The following PPP1R3A variants were observed in gnomAD, a reference collection of about 807,000 sequenced individuals.
PPP1R3A encodes RG1.
Under a neutral mutation model 41.7 loss-of-function variants are expected in PPP1R3A, and 29 were observed. The observed-to-expected ratio is 0.70, with a 90% CI of 0.52 to 0.95. The LOEUF (loss-of-function observed/expected upper bound fraction) is 0.95. PPP1R3A is among the 40% of genes least tolerant of loss of function. The probability of loss-of-function intolerance (pLI) is 0.00; values close to 1 mark genes in which losing one functional copy is unlikely to be tolerated. For synonymous variants in PPP1R3A, 485 were observed against 453.4 expected (o/e 1.07, Z -0.89); for missense variants, 1,352 against 1,292.4 (o/e 1.05, Z -0.71).
intron 1 of PPP1R3A, among the ~76,000 whole-genome samples, chr7:113,896,764 C>T (rs1197258031): frequency 6.6e-6 from 1 of 151,814 alleles, no homozygotes; most frequent in East Asian, 1.9e-4. Context: ...CACTCAATGT[C>T]TGGCATACAG....
At chr7:113,916,575 T>C (rs1320173161) in intron 1 of PPP1R3A, among the ~76,000 whole-genome samples, 3 of 151,962 alleles carry the variant, frequency 2.0e-5, no homozygotes, top group Non-Finnish European at 4.4e-5. Context: ...TGCAGAAAAA[T>C]CCGCTGAGTT....
chr7:113,908,712 A>G (rs376120331), intron 1 of PPP1R3A, among the ~76,000 whole-genome samples: 2 of 151,926 alleles, frequency 1.3e-5, no homozygotes, highest in African/African-American at 4.8e-5. Context: ...TTGTAGCACT[A>G]TTCACAATAG....
At chr7:113,911,495 G>T (rs1005258357) in intron 1 of PPP1R3A, among the ~76,000 whole-genome samples, 1 of 152,004 alleles carries the variant, frequency 6.6e-6, no homozygotes, top group Non-Finnish European at 1.5e-5. Context: ...CTATTCATAG[G>T]CATAAAGAGA....
intron 1 of PPP1R3A, among the ~76,000 whole-genome samples, chr7:113,910,069 G>A (rs1035177422): frequency 1.3e-5 from 2 of 151,988 alleles, no homozygotes; most frequent in African/African-American, 4.8e-5. Context: ...AGGCAAGACA[G>A]CTTGTGCAGG....
intron 1 of PPP1R3A, among the ~76,000 whole-genome samples, chr7:113,899,204 T>A (rs1412105735): frequency 1.3e-5 from 2 of 151,796 alleles, no homozygotes; most frequent in African/African-American, 4.8e-5. Context: ...TCAAGCTGAG[T>A]TCAGTTCATG....
At chr7:113,900,730 T>C (rs1307250764) in intron 1 of PPP1R3A, among the ~76,000 whole-genome samples, 1 of 148,410 alleles carries the variant, frequency 6.7e-6, no homozygotes, top group African/African-American at 2.5e-5. Context: ...ATGATATATA[T>C]AAGTATATAC....
intron 1 of PPP1R3A, among the ~76,000 whole-genome samples, chr7:113,904,613 A>G (rs1443949567): frequency 6.6e-6 from 1 of 151,726 alleles, no homozygotes; most frequent in Non-Finnish European, 1.5e-5. Flanking sequence ...TACAAAATTA[A>G]AAGAATAAAA....
intron 1 of PPP1R3A, among the ~76,000 whole-genome samples, chr7:113,898,109 T>A (rs1797005667): frequency 6.6e-6 from 1 of 151,882 alleles, no homozygotes; most frequent in South Asian, 2.1e-4. Context: ...TAATGTTGGA[T>A]AAAATTCAGC....
At chr7:113,893,555 A>G (rs982943898) in intron 1 of PPP1R3A, among the ~76,000 whole-genome samples, 1 of 152,040 alleles carries the variant, frequency 6.6e-6, no homozygotes. Context: ...AGAAAAATAC[A>G]TCGAATATAC....
At chr7:113,883,204 T>C (rs1796723572) in intron 1 of PPP1R3A, among the ~76,000 whole-genome samples, 1 of 151,994 alleles carries the variant, frequency 6.6e-6, no homozygotes, top group Non-Finnish European at 1.5e-5. Flanking sequence ...TAAGAAATAT[T>C]TGGCGCAGTA....
In PPP1R3A at chr7:113,881,618, T is replaced by A. The variant is rs557521262; in HGVS notation, c.966+421A>T. 9.2e-5 allele frequency among the ~76,000 whole-genome samples: 14 copies of A among 152,170 alleles called. No individual in the cohort carries two copies. In the East Asian group the frequency reaches 1.9e-3, roughly 21 times the overall value. Reference sequence around the variant, plus strand: ...AGATTCTCACAAGGATGGAATTTTTTAAAAAATGCTGTTACATGTGAGAAT... The same window carrying A: ...AGATTCTCACAAGGATGGAATTTTTAAAAAAATGCTGTTACATGTGAGAAT... On this transcript the variant is annotated intron_variant, in intron 3 of 3. Transcript: ENST00000284601.
At chr7:113,916,001 T>A (rs574484658) in intron 1 of PPP1R3A, among the ~76,000 whole-genome samples, 9 of 152,070 alleles carry the variant, frequency 5.9e-5, no homozygotes, top group African/African-American at 2.2e-4. Flanking sequence ...TTATGGCACA[T>A]GCTGTTCTAA....
chr7:113,880,165 A>C, intron 3 of PPP1R3A, 40 bp from the exon 4 acceptor site: 1 of 1,510,286 alleles, frequency 6.6e-7, no homozygotes. Flanking sequence ...TGACCATAAG[A>C]TCTTTTAAAA....
At chr7:113,913,527 G>T (rs867917093) in intron 1 of PPP1R3A, among the ~76,000 whole-genome samples, 1 of 151,988 alleles carries the variant, frequency 6.6e-6, no homozygotes, top group Non-Finnish European at 1.5e-5. Flanking sequence ...AGTCATTTAG[G>T]ACTTTATTTG....
At chr7:113,882,432 T>C in intron 1 of PPP1R3A, 112 bp from the exon 2 acceptor site, 1 of 648,970 alleles carries the variant, frequency 1.5e-6, no homozygotes, top group Non-Finnish European at 2.7e-6. Context: ...TTATATAGCC[T>C]TTCTTATTTT....
At position 113,879,177 on chromosome 7, in the gene PPP1R3A, C is replaced by A. The variant is rs61756423; in HGVS notation, c.1915G>T (p.Gly639Cys). 6.1e-3 allele frequency: 9,864 copies of A among 1,613,586 alleles called. 59 individuals carry two copies. The highest frequency in any genetic ancestry group is 7.2e-3 in the Non-Finnish European group (8,443 of 1,179,766). The change falls in exon 4 of 4, where the codon GGT becomes TGT. Residue 639 changes from glycine to cysteine, a missense_variant. By Grantham distance (159) the Gly-to-Cys change is radical (BLOSUM62 -3). Coordinates refer to ENST00000284601, the MANE Select transcript of PPP1R3A (RefSeq NM_002711.4). ...DYLFQVEEKS[G>C]GINSEDQDNS... ...TCCTGATCTTCAGAATTAATCCCAC[C>A]TGATTTTTCTTCAACTTGGAAAAGA...
intron 3 of PPP1R3A, 84 bp from the exon 4 acceptor site, chr7:113,880,209 G>T: frequency 8.5e-7 from 1 of 1,176,074 alleles, no homozygotes. Context: ...TATTAACTCG[G>T]CTAGTAATTA....
Position 113,918,838 on chromosome 7 carries a change from G to C in PPP1R3A, c.159C>G (p.Tyr53Ter), listed in dbSNP as rs1183008175. The C allele has an allele frequency of 1.2e-6, 2 of 1,613,736 alleles. No homozygotes were observed. The highest frequency in any genetic ancestry group is 2.7e-5 in the African/African-American group (2 of 74,904). ...RRGSDSSEDI[Y>*]LDTPSSGTRR... is the part of the protein sequence containing the mutation. Reference sequence around the variant, plus strand: ...TAGTACCTGAAGATGGGGTATCCAGGTATATGTCTTCAGAAGAATCAGAAC... The same window carrying C: ...TAGTACCTGAAGATGGGGTATCCAGCTATATGTCTTCAGAAGAATCAGAAC... The change falls in exon 1 of 4, where the codon TAC becomes TAG. Residue 53 changes from tyrosine to a stop codon, truncating the protein, a stop_gained. Coordinates refer to ENST00000284601, the MANE Select transcript of PPP1R3A (RefSeq NM_002711.4). LOFTEE classifies it high-confidence loss of function.
At position 113,918,773 on chromosome 7, in the gene PPP1R3A, AC is replaced by A; in HGVS notation, c.223del (p.Val75CysfsTer20). 1.2e-6 allele frequency: 2 copies of A among 1,613,938 alleles called. No homozygotes were observed. The highest frequency in any genetic ancestry group is 1.7e-6 in the Non-Finnish European group (2 of 1,179,886). The part of the protein sequence containing the change: ...SFADSFGFNL[V>X]SVKEFDCWEL... ...CCAGCAATCAAATTCTTTAACAGAC[AC>A]AAGATTGAATCCAAAGGAATCAGCA... On this transcript the variant is annotated frameshift_variant, in exon 1 of 4. Coordinates refer to ENST00000284601, the MANE Select transcript of PPP1R3A (RefSeq NM_002711.4). LOFTEE classifies it high-confidence loss of function.
Sources: gnomAD v4.1 joint callset for allele counts (sites outside exome capture counted in the v4.1 genomes callset) on GRCh38, gnomAD v4.1.1 for gene constraint, MANE v1.5 for transcripts, NCBI Gene and HGNC (gene_info 2026-07-23, HGNC 2026-07-21) for gene names.